MAGI3: variants seen among roughly 807,000 people sequenced by gnomAD.
The protein encoded by MAGI3 is membrane associated guanylate kinase, WW and PDZ domain containing 3.
In MAGI3, 43 loss-of-function variants were observed where a neutral mutation model predicts 121.8. The observed-to-expected ratio is 0.35, with a 90% CI of 0.28 to 0.46. The LOEUF (loss-of-function observed/expected upper bound fraction) is 0.46. Ranked by LOEUF, MAGI3 falls within the 20% of genes least tolerant of loss-of-function variation. The pLI is 1.00. For synonymous variants in MAGI3, 553 were observed against 639.3 expected (o/e 0.86, Z 2.04); for missense variants, 1,547 against 1,797.3 (o/e 0.86, Z 2.52).
chr1:113,546,600 G>A (rs571854608), intron 1 of MAGI3, among the ~76,000 whole-genome samples: 10 of 151,668 alleles, frequency 6.6e-5, no homozygotes, highest in African/African-American at 2.4e-4. Context: ...GCCTCCCAAA[G>A]TGCTGGGATT....
chr1:113,402,484 G>A (rs553278282), intron 1 of MAGI3, among the ~76,000 whole-genome samples: 19 of 151,958 alleles, frequency 1.3e-4, no homozygotes, highest in Admixed American at 7.2e-4. Context: ...TTTTCCTATC[G>A]GAGATTCTTC....
At chr1:113,656,429 T>G (rs1007258006) in intron 15 of MAGI3, among the ~76,000 whole-genome samples, 4 of 151,850 alleles carry the variant, frequency 2.6e-5, no homozygotes, top group Non-Finnish European at 5.9e-5. Flanking sequence ...CTTTTTTTTT[T>G]TTTTGAGACA....
intron 9 of MAGI3, among the ~76,000 whole-genome samples, chr1:113,636,168 C>G (rs1240965724): frequency 6.6e-6 from 1 of 151,858 alleles, no homozygotes; most frequent in Non-Finnish European, 1.5e-5. Flanking sequence ...TTGATCCTTT[C>G]AAAAAACCAG....
intron 1 of MAGI3, among the ~76,000 whole-genome samples, chr1:113,500,507 T>G (rs1449702095): frequency 2.7e-5 from 1 of 37,688 alleles, no homozygotes; most frequent in East Asian, 9.5e-4. Flanking sequence ...CTCCCAAGAC[T>G]AAAACAGGAA....
At chr1:113,549,293 T>G (rs1659666931) in intron 1 of MAGI3, among the ~76,000 whole-genome samples, 1 of 152,194 alleles carries the variant, frequency 6.6e-6, no homozygotes, top group Admixed American at 6.5e-5. Context: ...CTCCCTCCCT[T>G]ACCATGTAAA....
intron 14 of MAGI3, among the ~76,000 whole-genome samples, 185 bp from the exon 15 acceptor site, chr1:113,653,645 C>T (rs1161024083): frequency 2.0e-5 from 3 of 152,004 alleles, no homozygotes; most frequent in Admixed American, 1.3e-4. Flanking sequence ...TTTGGGAAGT[C>T]GGATGGACTG....
intron 1 of MAGI3, among the ~76,000 whole-genome samples, chr1:113,504,898 C>A (rs1337944032): frequency 1.3e-5 from 2 of 152,120 alleles, no homozygotes; most frequent in African/African-American, 4.8e-5. Context: ...GAGGGACTTT[C>A]TGTGAGGTAC....
chr1:113,560,430 CAAA>C (rs960431533), intron 2 of MAGI3, among the ~76,000 whole-genome samples: 1 of 150,608 alleles, frequency 6.6e-6, no homozygotes, highest in Non-Finnish European at 1.5e-5. Context: ...AACAATAAAA[CAAA>C]AAAAGAAAAA....
chr1:113,555,074 A>G (rs1472873480), intron 2 of MAGI3, among the ~76,000 whole-genome samples: 2 of 152,108 alleles, frequency 1.3e-5, no homozygotes, highest in Non-Finnish European at 2.9e-5. Context: ...CAGAAACAGT[A>G]TAAGCCAGAG....
intron 1 of MAGI3, among the ~76,000 whole-genome samples, chr1:113,423,129 A>G (rs1252612426): frequency 6.6e-6 from 1 of 152,172 alleles, no homozygotes; most frequent in Admixed American, 6.5e-5. Flanking sequence ...TATGTGGACA[A>G]CTAGAGGATG....
intron 19 of MAGI3, among the ~76,000 whole-genome samples, chr1:113,678,107 TTTG>T (rs1647987464): frequency 3.5e-5 from 5 of 141,374 alleles, no homozygotes; most frequent in Admixed American, 2.1e-4. Flanking sequence ...ATTACAAGTT[TTTG>T]TTGTTTTTTT....
At chr1:113,478,906 G>A (rs1655982827) in intron 1 of MAGI3, among the ~76,000 whole-genome samples, 2 of 152,228 alleles carry the variant, frequency 1.3e-5, no homozygotes, top group African/African-American at 2.4e-5. Context: ...GCTTCACCTA[G>A]TTCAAGCTTC....
At chr1:113,548,500 T>C (rs2101666948) in intron 1 of MAGI3, among the ~76,000 whole-genome samples, 1 of 152,294 alleles carries the variant, frequency 6.6e-6, no homozygotes, top group South Asian at 2.1e-4. Flanking sequence ...CTGTTCAATC[T>C]AGTGATAGGA....
In MAGI3 at chr1:113,683,180, C is replaced by T. The variant is rs1259929623; in HGVS notation, c.3612C>T (p.Asn1204=). 1 of 1,613,702 alleles carries T rather than the reference C, an allele frequency of 6.2e-7. No homozygotes were observed. Among genetic ancestry groups the T allele is most frequent in the Non-Finnish European group, 8.5e-7 (1 of 1,179,864 alleles). Residue 1204 remains asparagine (N), a synonymous_variant, in exon 21 of 21, where the codon AAC becomes AAT. Transcript: ENST00000307546. The stretch of plus-strand genomic sequence containing the variant: ...CACCCAGCAGTCATGGGCACAGTAA[C>T]AAGAAAAATCTATTAAAAGTAGAAA... ...RDPPSSHGHS[N]KKNLLKVENG... is the part of the protein sequence containing the mutation.
chr1:113,684,437 TTGA>T lies in MAGI3; in HGVS notation c.*428_*430del, dbSNP rs1648426461. ...GAAAAAGTTAGGTTTGGCTTGGAAG[TTGA>T]TGATCTCAATAGCATGTTGCATGTT... is the stretch of plus-strand genomic sequence containing the variant. On this transcript the variant is annotated 3_prime_UTR_variant, in exon 21 of 21. Transcript: ENST00000307546. 6.4e-6 allele frequency: 1 copy of T among 157,374 alleles called. No individual in the cohort carries two copies. The highest frequency in any genetic ancestry group is 2.4e-5 in the African/African-American group (1 of 41,482). 9.7% of individuals were successfully genotyped at this position (157,374 alleles called of 1,614,324 possible).
intron 1 of MAGI3, among the ~76,000 whole-genome samples, chr1:113,523,414 C>A (rs567138990): frequency 6.6e-6 from 1 of 152,266 alleles, no homozygotes; most frequent in Non-Finnish European, 1.5e-5. Context: ...TTGGGACTCC[C>A]TAGAGACTTG....
intron 18 of MAGI3, 110 bp downstream of exon 18, chr1:113,672,851 T>C (rs2101023027): frequency 7.3e-7 from 1 of 1,368,698 alleles, no homozygotes; most frequent in South Asian, 1.4e-5. Context: ...CCAAAACTAA[T>C]AATTCTCGAA....
intron 6 of MAGI3, among the ~76,000 whole-genome samples, chr1:113,600,735 T>G (rs1649315830): frequency 6.6e-6 from 1 of 152,192 alleles, no homozygotes; most frequent in Non-Finnish European, 1.5e-5. Flanking sequence ...AAAGTTCATA[T>G]GGAACCAAAA....
At chr1:113,665,821 T>C (rs1654017393) in intron 16 of MAGI3, among the ~76,000 whole-genome samples, 1 of 152,276 alleles carries the variant, frequency 6.6e-6, no homozygotes, top group Middle Eastern at 3.4e-3. Flanking sequence ...TGTTTTTATC[T>C]TTTGAAAATA....
Sources: gnomAD v4.1 joint callset for allele counts (sites outside exome capture counted in the v4.1 genomes callset) on GRCh38, gnomAD v4.1.1 for gene constraint, MANE v1.5 for transcripts, NCBI Gene and HGNC (gene_info 2026-07-23, HGNC 2026-07-21) for gene names.